STRA6: variants seen among roughly 807,000 people sequenced by gnomAD.
STRA6 encodes receptor for retinol uptake STRA6.
Under a neutral mutation model 83.6 loss-of-function variants are expected in STRA6, and 48 were observed. The ratio of observed to expected loss-of-function variants is 0.57; its 90% confidence interval spans 0.46 to 0.73. The LOEUF is 0.73. Among genes scored for constraint, STRA6 ranks in the 30% least tolerant of loss-of-function variants. The probability of loss-of-function intolerance (pLI) is 0.00; values close to 1 mark genes in which losing one functional copy is unlikely to be tolerated. For missense variants in STRA6, 760 were observed against 838.8 expected, an observed-to-expected ratio of 0.91 and a Z score of 1.16; for synonymous variants, 353 against 362.3, an observed-to-expected ratio of 0.97 and a Z score of 0.29.
intron 17 of STRA6, 79 bp downstream of exon 17, chr15:74,181,216 C>G: frequency 6.3e-7 from 1 of 1,578,478 alleles, no homozygotes; most frequent in East Asian, 2.3e-5. Flanking sequence ...TCAGCTGGCA[C>G]GGCCCTGGGG....
intron 17 of STRA6, 101 bp downstream of exon 17, chr15:74,181,194 G>T: frequency 6.5e-7 from 1 of 1,530,278 alleles, no homozygotes; most frequent in East Asian, 2.4e-5. Flanking sequence ...TACAGGCATC[G>T]GTGTGAACTG....
At chr15:74,201,047 ACAGGCTCTCGGTCAGT>A (rs1028265975) in intron 2 of STRA6, among the ~76,000 whole-genome samples, 15 of 152,208 alleles carry the variant, frequency 9.9e-5, no homozygotes, top group Non-Finnish European at 1.5e-5. Context: ...TGTGGAGCCC[ACAGGCTCTCGGTCAGT>A]CAGGCAAGAT....
rs904451780 is a variant in STRA6, at chr15:74,188,183, C to A, written c.1090+932G>T. On this transcript the variant is annotated intron_variant, in intron 12 of 18. Transcript: ENST00000395105. This position sits in a 1 kb window ranked among gnomAD's most constrained non-coding sequence, Gnocchi z 4.5. ...ACTCCGTGCACCTCTGCCCACCCCC[C>A]ACTCCCTGCCCCGCCATGACCAGCA... 1.3e-5 allele frequency among the ~76,000 whole-genome samples: 2 copies of A among 152,250 alleles called. No individual in the cohort carries two copies. Among genetic ancestry groups the A allele is most frequent in the Non-Finnish European group, 2.9e-5 (2 of 67,996 alleles).
At chr15:74,195,779 A>C in intron 5 of STRA6, 104 bp from the exon 6 acceptor site, 1 of 868,072 alleles carries the variant, frequency 1.2e-6, no homozygotes, top group Admixed American at 2.3e-5. Context: ...TTAAGATACT[A>C]CTTCCCTGGC....
At position 74,202,215 on chromosome 15, in the gene STRA6, TA is replaced by T. The variant is rs757656874; in HGVS notation, c.52del (p.Tyr18ThrfsTer54). 6.5e-6 allele frequency: 10 copies of T among 1,528,900 alleles called. No homozygotes were observed. Among genetic ancestry groups the T allele is most frequent in the Non-Finnish European group, 8.7e-6 (10 of 1,143,254 alleles). 94.7% of individuals were successfully genotyped at this position (1,528,900 alleles called of 1,614,324 possible). A position where few individuals can be genotyped will look rare whatever the true frequency, so the allele number is the denominator to read the frequency against. ...ATCGATGTACCAGCTGCCATAGGAG[TA>T]GTCCTCTGTGGCCCCGGGGGAGGTC... ...NQTSPGATEDYSYGSWYIDEP... is the reference protein window; with the variant it reads ...NQTSPGATEDXSYGSWYIDEP... On this transcript the variant is annotated frameshift_variant, in exon 2 of 19. Transcript: ENST00000395105. LOFTEE classifies it high-confidence loss of function.
chr15:74,194,791 T>C, intron 7 of STRA6: 1 of 1,279,018 alleles, frequency 7.8e-7, no homozygotes. Context: ...TCAGGTTGTC[T>C]GGCTCTAAAG....
rs780363705 is a variant in STRA6, at chr15:74,190,943, C to G, written c.866-42G>C. On this transcript the variant is annotated intron_variant, in intron 10 of 18. Transcript: ENST00000395105. ...AAGGAGTATGGTGAACAGCACCACT[C>G]AGGCCCGGGAGCCCTCCTCCCTCCC... The G allele has an allele frequency of 1.8e-4, 288 of 1,613,244 alleles. 1 individual carries two copies. In the South Asian group the frequency reaches 2.4e-3, roughly 13 times the overall value.
intron 12 of STRA6, among the ~76,000 whole-genome samples, chr15:74,185,767 G>A (rs1255559190): frequency 1.3e-5 from 2 of 152,260 alleles, no homozygotes; most frequent in Non-Finnish European, 1.5e-5. Flanking sequence ...CGCAAGGTTA[G>A]ACAGAAGAAC....
At position 74,190,826 on chromosome 15, in the gene STRA6, G is replaced by C. The variant is rs1181675183; in HGVS notation, c.927+14C>G. 6.2e-7 allele frequency: 1 copy of C among 1,614,038 alleles called. No individual in the cohort carries two copies. Among genetic ancestry groups the C allele is most frequent in the Non-Finnish European group, 8.5e-7 (1 of 1,179,998 alleles). ...GCTCCAGAGGCAGATGGCAGTACAG[G>C]GTGAGGGACATACCTGGTAAATGGC... is the stretch of plus-strand genomic sequence containing the variant. On this transcript the variant is annotated intron_variant, in intron 11 of 18. Transcript: ENST00000395105.
At position 74,191,489 on chromosome 15, in the gene STRA6, C is replaced by T. The variant is rs554117145; in HGVS notation, c.723G>A (p.Gly241=). Residue 241 remains glycine (G), a splice_region_variant and synonymous_variant, in exon 9 of 19, where the codon GGG becomes GGA. Transcript: ENST00000395105. Reference sequence around the variant, plus strand: ...ATTCCTCAGAGTAGCTGCTCTGCAGCCCCTGTGGAGACAGACAATTGAACA... The same window carrying T: ...ATTCCTCAGAGTAGCTGCTCTGCAGTCCCTGTGGAGACAGACAATTGAACA... ...FSRRTGAGSK[G]LQSSYSEEYL... 1.2e-6 allele frequency: 2 copies of T among 1,614,016 alleles called. No homozygotes were observed. Among genetic ancestry groups the T allele is most frequent in the East Asian group, 2.2e-5 (1 of 44,870 alleles).
intron 1 of STRA6, chr15:74,207,800 TCACA>T: frequency 2.6e-6 from 4 of 1,534,666 alleles, no homozygotes; most frequent in Non-Finnish European, 3.5e-6. Context: ...CACAGCACAC[TCACA>T]CACACATCCA....
chr15:74,189,483 AAG>A (rs2073425087), intron 11 of STRA6, among the ~76,000 whole-genome samples: 1 of 152,180 alleles, frequency 6.6e-6, no homozygotes, highest in African/African-American at 2.4e-5. Flanking sequence ...TAATAGGCCA[AAG>A]GCATGCCTTC....
At chr15:74,202,547 C>T (rs1188656443) in intron 1 of STRA6, 166 bp downstream of exon 1, 42 of 1,479,574 alleles carry the variant, frequency 2.8e-5, no homozygotes, top group Non-Finnish European at 3.6e-5. Flanking sequence ...GATAGCTGTC[C>T]CCTTGGGGCC....
intron 2 of STRA6, among the ~76,000 whole-genome samples, chr15:74,201,831 A>T (rs1258768653): frequency 6.6e-6 from 1 of 152,090 alleles, no homozygotes; most frequent in Non-Finnish European, 1.5e-5. Context: ...CAGCTTCTCC[A>T]TCCTGGCTAT....
intron 8 of STRA6, among the ~76,000 whole-genome samples, chr15:74,192,674 G>A (rs2073605729): frequency 6.6e-6 from 1 of 152,156 alleles, no homozygotes; most frequent in South Asian, 2.1e-4. Context: ...CTGCTGGCTG[G>A]CCAGGTGCCT....
chr15:74,207,662 C>A (rs1165907922), upstream of STRA6: 2 of 1,520,700 alleles, frequency 1.3e-6, no homozygotes, highest in South Asian at 1.2e-5. Flanking sequence ...GCAAGAGAGG[C>A]GTTCCAGGAG....
chr15:74,195,193 A>G (rs1323155721), intron 7 of STRA6, 109 bp downstream of exon 7: 2 of 1,539,964 alleles, frequency 1.3e-6, no homozygotes, highest in African/African-American at 2.7e-5. Context: ...TGCACAATGG[A>G]AGGCTGCAGG....
chr15:74,196,243 C>A, intron 4 of STRA6, 96 bp from the exon 5 acceptor site: 1 of 1,542,226 alleles, frequency 6.5e-7, no homozygotes, highest in Non-Finnish European at 8.8e-7. Context: ...GAGGTGGAGT[C>A]AGTCCCACTT....
rs750492218 is a variant in STRA6 at position 74,190,790 on chromosome 15, T to C, written c.927+50A>G. 6.2e-6 allele frequency: 10 copies of C among 1,613,210 alleles called. No individual in the cohort carries two copies. The Admixed American group carries it at 1.7e-4, about 27-fold the overall frequency. ...GCCGGAACTGCTCCAGGCTTGGGGG[T>C]TGAGGGCAGGGCTCCAGAGGCAGAT... On this transcript the variant is annotated intron_variant, in intron 11 of 18. Coordinates refer to ENST00000395105, the MANE Select transcript of STRA6 (RefSeq NM_022369.4).
Sources: gnomAD v4.1 joint callset for allele counts (sites outside exome capture counted in the v4.1 genomes callset) on GRCh38, gnomAD v4.1.1 for gene constraint, Gnocchi (gnomAD v3.1) non-coding constraint, MANE v1.5 for transcripts, NCBI Gene and HGNC (gene_info 2026-07-23, HGNC 2026-07-21) for gene names.